The following CNDP1 variants were observed in gnomAD, a reference collection of about 807,000 sequenced individuals.
CNDP1 encodes the protein beta-Ala-His dipeptidase.
Under a neutral mutation model 58.1 loss-of-function variants are expected in CNDP1, and 44 were observed. The ratio of observed to expected loss-of-function variants is 0.76; its 90% CI spans 0.60 to 0.97. The LOEUF (loss-of-function observed/expected upper bound fraction) is 0.97. CNDP1 is among the 50% of genes least tolerant of loss of function. The pLI is 0.00. For missense variants in CNDP1, 616 were observed against 655.1 expected, an observed-to-expected ratio of 0.94 and a Z score of 0.65; for synonymous variants, 254 against 252.6, an observed-to-expected ratio of 1.01 and a Z score of -0.05.
At chr18:74,557,250 C>A (rs1981067367) in intron 2 of CNDP1, among the ~76,000 whole-genome samples, 1 of 152,036 alleles carries the variant, frequency 6.6e-6, no homozygotes, top group Non-Finnish European at 1.5e-5. Flanking sequence ...GAGACAGGGT[C>A]TTGCTCTGTC....
intron 2 of CNDP1, 89 bp from the exon 3 acceptor site, chr18:74,559,234 G>A: frequency 7.7e-7 from 1 of 1,303,660 alleles, no homozygotes; most frequent in Non-Finnish European, 1.1e-6. Context: ...AAGTACCTGG[G>A]GACTCGCTGT....
rs371577078 is a variant in CNDP1, at chr18:74,556,411, C to T, written c.98C>T (p.Ala33Val). Residue 33 changes from alanine to valine, a missense_variant, in exon 2 of 12, where the codon GCG (alanine) becomes GTG (valine). Coordinates refer to ENST00000358821, the MANE Select transcript of CNDP1 (RefSeq NM_032649.6). ...TTCTCCTCACCCTCCCCGCCCCCGGCGCTGTTAGAGAAAGTCTTCCAGTAC... is the reference window on the plus strand; with the variant it reads ...TTCTCCTCACCCTCCCCGCCCCCGGTGCTGTTAGAGAAAGTCTTCCAGTAC... ...GMFSSPSPPP[A>V]LLEKVFQYID... 44 of 1,614,084 alleles carry T rather than the reference C, an allele frequency of 2.7e-5. No individual in the cohort carries two copies. Among genetic ancestry groups the T allele is most frequent in the African/African-American group, 8.0e-5 (6 of 74,932 alleles).
intron 7 of CNDP1, among the ~76,000 whole-genome samples, chr18:74,574,159 G>A (rs779400432): frequency 1.3e-5 from 2 of 152,200 alleles, no homozygotes; most frequent in African/African-American, 2.4e-5. Flanking sequence ...GGGAATCCAC[G>A]GGCAGCCCTT....
chr18:74,567,637 G>A (rs1432192717), intron 6 of CNDP1, among the ~76,000 whole-genome samples: 1 of 152,202 alleles, frequency 6.6e-6, no homozygotes, highest in East Asian at 1.9e-4. Context: ...ACTTGGAGTG[G>A]ATGTGGCTAT....
chr18:74,534,531 T>C lies in CNDP1; in HGVS notation c.-137T>C, dbSNP rs2144633843. 3.5e-6 allele frequency: 3 copies of C among 862,782 alleles called. No individual in the cohort carries two copies. The highest frequency in any genetic ancestry group is 5.7e-6 in the Non-Finnish European group (3 of 524,672). The allele number at this position is 862,782 out of a possible 1,614,324, so 53.4% of individuals were successfully genotyped here. A position where few individuals can be genotyped will look rare whatever the true frequency, so the allele number is the denominator to read the frequency against. On this transcript the variant is annotated 5_prime_UTR_variant, in exon 1 of 12. Coordinates refer to ENST00000358821, the MANE Select transcript of CNDP1 (RefSeq NM_032649.6). The stretch of plus-strand genomic sequence containing the variant: ...GAATAGCTCCACTATACCAGCCTCG[T>C]CTTCCTTCCGGGGGACAACGTGGGT...
intron 1 of CNDP1, among the ~76,000 whole-genome samples, chr18:74,538,685 T>C (rs1980542459): frequency 6.6e-6 from 1 of 152,138 alleles, no homozygotes; most frequent in African/African-American, 2.4e-5. Context: ...TTTCTCCACA[T>C]CCTCAAAACA....
chr18:74,581,999 C>T (rs1040418875), intron 10 of CNDP1, among the ~76,000 whole-genome samples: 4 of 152,224 alleles, frequency 2.6e-5, no homozygotes, highest in Non-Finnish European at 2.9e-5. Context: ...GACACAGACA[C>T]GGAAAACTAC....
chr18:74,579,551 T>C (rs1388945449), intron 9 of CNDP1, among the ~76,000 whole-genome samples: 2 of 151,882 alleles, frequency 1.3e-5, no homozygotes, highest in Non-Finnish European at 2.9e-5. Context: ...TTGAAGTAAT[T>C]AATGGAAGAA....
At chr18:74,561,136 C>T (rs554812915) in intron 4 of CNDP1, 118 bp downstream of exon 4, 50 of 1,271,998 alleles carry the variant, frequency 3.9e-5, no homozygotes, top group African/African-American at 2.5e-4. Context: ...ATGCATAGGC[C>T]GGGTGCGGTG....
At chr18:74,577,908 T>G (rs536119423) in intron 8 of CNDP1, 41 of 356,372 alleles carry the variant, frequency 1.2e-4, no homozygotes, top group African/African-American at 8.2e-4. Context: ...ATTTGTTAAC[T>G]GAAAACTGCA....
At chr18:74,535,118 C>T (rs1441193683) in intron 1 of CNDP1, among the ~76,000 whole-genome samples, 1 of 152,154 alleles carries the variant, frequency 6.6e-6, no homozygotes, top group Admixed American at 6.5e-5. Context: ...AAGAGCTAAT[C>T]ACCGGGCTAA....
intron 1 of CNDP1, among the ~76,000 whole-genome samples, chr18:74,554,614 A>G (rs1980989889): frequency 1.3e-5 from 2 of 152,284 alleles, no homozygotes; most frequent in Admixed American, 1.3e-4. Flanking sequence ...ATGGAGGAAG[A>G]TTCAGCAATG....
At chr18:74,581,582 T>C (rs7244647) in intron 10 of CNDP1, among the ~76,000 whole-genome samples, 102,335 of 152,032 alleles carry the variant, frequency 0.67, 34,741 homozygotes, top group East Asian at 0.8. Flanking sequence ...AATGCCACAT[T>C]GCTTCCCCAG....
chr18:74,586,273 G>T lies in CNDP1; in HGVS notation c.*1711G>T, dbSNP rs1167638571. Reference sequence around the variant, plus strand: ...AAGCCATCACATCTCCAATTCTATAGAATATCAAGTCATCGTTAAAGAACA... The same window carrying T: ...AAGCCATCACATCTCCAATTCTATATAATATCAAGTCATCGTTAAAGAACA... On this transcript the variant is annotated 3_prime_UTR_variant, in exon 12 of 12. Coordinates refer to ENST00000358821, the MANE Select transcript of CNDP1 (RefSeq NM_032649.6). 1.3e-5 allele frequency: 2 copies of T among 152,170 alleles called. No homozygotes were observed. The highest frequency in any genetic ancestry group is 2.4e-5 in the African/African-American group (1 of 41,426). The allele number at this position is 152,170 out of a possible 1,614,324, so 9.4% of individuals were successfully genotyped here.
At chr18:74,576,371 C>T (rs1981637687) in intron 7 of CNDP1, 1 of 152,098 alleles carries the variant, frequency 6.6e-6, no homozygotes, top group African/African-American at 2.4e-5. Flanking sequence ...CGCCACGTTG[C>T]CCAGGCTGGT....
chr18:74,544,623 C>G (rs888022542), intron 1 of CNDP1, among the ~76,000 whole-genome samples: 1 of 137,096 alleles, frequency 7.3e-6, no homozygotes. Context: ...GAGGCTGAGG[C>G]AAGAAAAATC....
intron 6 of CNDP1, among the ~76,000 whole-genome samples, chr18:74,570,329 G>A (rs565709314): frequency 6.6e-6 from 1 of 152,254 alleles, no homozygotes; most frequent in South Asian, 2.1e-4. Flanking sequence ...ATCCTGGCTT[G>A]GCCCGGGTGG....
chr18:74,536,448 T>G lies in CNDP1; in HGVS notation c.24+1757T>G, dbSNP rs146245783. Among the ~76,000 whole-genome samples, 6 of 152,354 alleles carry G rather than the reference T, an allele frequency of 3.9e-5. No homozygotes were observed. In the East Asian group the frequency reaches 1.2e-3, roughly 29 times the overall value. ...GGATGATGGCCTCCAGCTCCATCCA[T>G]ATTCCTGCAAAGGACATGATCTCAT... On this transcript the variant is annotated intron_variant, in intron 1 of 11. Coordinates refer to ENST00000358821, the MANE Select transcript of CNDP1 (RefSeq NM_032649.6).
intron 10 of CNDP1, among the ~76,000 whole-genome samples, chr18:74,580,802 C>T (rs1456486642): frequency 6.6e-6 from 1 of 152,086 alleles, no homozygotes; most frequent in East Asian, 1.9e-4. Context: ...ACCCCCATCT[C>T]TATAAAAAAT....
Sources: allele counts gnomAD v4.1 joint callset (sites outside exome capture counted in the v4.1 genomes callset), GRCh38; gene constraint gnomAD v4.1.1; transcripts MANE v1.5; gene names NCBI Gene and HGNC (gene_info 2026-07-23, HGNC 2026-07-21).